Variants in ZNF407 observed in about 807,000 individuals in gnomAD.
The protein encoded by ZNF407 is zinc finger protein 407.
Under a neutral mutation model 131.2 loss-of-function variants are expected in ZNF407, and 17 were observed. That is an observed-to-expected ratio of 0.13 (90% CI 0.09 to 0.19). ZNF407 has a LOEUF of 0.19. Among genes scored for constraint, ZNF407 ranks in the 10% least tolerant of loss-of-function variants. ZNF407 has a pLI of 1.00. For synonymous variants in ZNF407, 1,156 were observed against 1,062.0 expected, an observed-to-expected ratio of 1.09 and a Z score of -1.72; for missense variants, 2,681 against 2,830.6, an observed-to-expected ratio of 0.95 and a Z score of 1.20.
chr18:74,741,107 G>A (rs1412611941), intron 3 of ZNF407, among the ~76,000 whole-genome samples: 1 of 152,112 alleles, frequency 6.6e-6, no homozygotes, highest in Non-Finnish European at 1.5e-5. Flanking sequence ...CATATAAGAT[G>A]GCTTATGGAA....
chr18:74,683,405 A>C (rs1158662746), intron 3 of ZNF407, among the ~76,000 whole-genome samples: 1 of 152,228 alleles, frequency 6.6e-6, no homozygotes, highest in Non-Finnish European at 1.5e-5. Context: ...TAAATATTTA[A>C]AACTAACATT....
At chr18:74,661,985 C>G (rs1423479477) in intron 3 of ZNF407, among the ~76,000 whole-genome samples, 2 of 151,288 alleles carry the variant, frequency 1.3e-5, no homozygotes, top group East Asian at 1.9e-4. Flanking sequence ...CGCGTGCACT[C>G]TGATCCAGCT....
intron 8 of ZNF407, among the ~76,000 whole-genome samples, chr18:75,023,180 AGG>A (rs1427738120): frequency 6.6e-6 from 1 of 152,110 alleles, no homozygotes; most frequent in African/African-American, 2.4e-5. Context: ...GGTCTGAAGT[AGG>A]GGGGCAGGGA....
chr18:74,984,400 G>A (rs2122123148), intron 8 of ZNF407, among the ~76,000 whole-genome samples: 1 of 152,266 alleles, frequency 6.6e-6, no homozygotes, highest in Non-Finnish European at 1.5e-5. Flanking sequence ...AGATCAGCAA[G>A]TTAAAAGTTT....
At chr18:74,849,125 C>G (rs1056302772) in intron 4 of ZNF407, among the ~76,000 whole-genome samples, 3 of 145,068 alleles carry the variant, frequency 2.1e-5, no homozygotes, top group Non-Finnish European at 4.5e-5. Context: ...GTCACTCAGG[C>G]TGGAGTGCAG....
At chr18:74,770,604 C>A (rs762971997) in intron 3 of ZNF407, among the ~76,000 whole-genome samples, 8 of 152,186 alleles carry the variant, frequency 5.3e-5, no homozygotes, top group Middle Eastern at 3.4e-3. Flanking sequence ...ATTTACAGTT[C>A]TTAGAATAGT....
chr18:74,876,379 A>G (rs1971156408), intron 4 of ZNF407, among the ~76,000 whole-genome samples: 1 of 152,172 alleles, frequency 6.6e-6, no homozygotes, highest in African/African-American at 2.4e-5. Context: ...CTCATATTGG[A>G]AATGTAAAGT....
In ZNF407 at chr18:74,920,740, G is replaced by A. The variant is rs1193793463; in HGVS notation, c.5428+48G>A. On this transcript the variant is annotated intron_variant, in intron 8 of 8. Transcript: ENST00000299687. Reference sequence around the variant, plus strand: ...ACTTGTTTCTAACAGGATTTCATGTGATCACAGCAGTTATAATGCTATTTG... The same window carrying A: ...ACTTGTTTCTAACAGGATTTCATGTAATCACAGCAGTTATAATGCTATTTG... 4 of 1,551,762 alleles carry A rather than the reference G, an allele frequency of 2.6e-6. No individual in the cohort carries two copies. In the African/African-American group the frequency reaches 5.4e-5, roughly 21 times the overall value.
chr18:74,641,061 G>C lies in ZNF407; in HGVS notation c.4741G>C (p.Asp1581His). 6.2e-7 allele frequency: 1 copy of C among 1,613,412 alleles called. No individual in the cohort carries two copies. The change falls in exon 3 of 9, where the codon GAT becomes CAT. Residue 1581 changes from aspartate to histidine, a missense_variant. Around this residue, in one of 6 missense-constraint regions of ZNF407, gnomAD observed 213 missense variants for 332.2 expected, o/e 0.64. Transcript: ENST00000299687. ...ICHFATAQLGDARNHVKRHLG... is the reference protein window; with the variant it reads ...ICHFATAQLGHARNHVKRHLG... ...CCATTTTGCAACAGCTCAGCTTGGA[G>C]ATGCCAGAAACCATGTGAAAAGGCA...
intron 3 of ZNF407, among the ~76,000 whole-genome samples, chr18:74,726,391 C>G (rs915100141): frequency 1.3e-5 from 2 of 152,052 alleles, no homozygotes; most frequent in Admixed American, 1.3e-4. Context: ...ATCATGAGAG[C>G]CAATAAGTTA....
intron 8 of ZNF407, among the ~76,000 whole-genome samples, chr18:74,945,490 T>A (rs780219042): frequency 6.6e-6 from 1 of 152,194 alleles, no homozygotes; most frequent in Non-Finnish European, 1.5e-5. Flanking sequence ...GGAGCATACA[T>A]TGCCTGGAAA....
chr18:74,847,399 C>G (rs1970717174), intron 4 of ZNF407, among the ~76,000 whole-genome samples: 1 of 152,150 alleles, frequency 6.6e-6, no homozygotes, highest in Non-Finnish European at 1.5e-5. Flanking sequence ...CCTCTAAGAC[C>G]TCTTCCCACT....
intron 7 of ZNF407, 81 bp downstream of exon 7, chr18:74,890,119 T>G: frequency 7.5e-7 from 1 of 1,332,516 alleles, no homozygotes; most frequent in South Asian, 2.2e-5. Context: ...ATTAGAAGTG[T>G]AGTTTTTCTA....
At chr18:74,963,047 T>C (rs1385578730) in intron 8 of ZNF407, among the ~76,000 whole-genome samples, 1 of 152,194 alleles carries the variant, frequency 6.6e-6, no homozygotes, top group Non-Finnish European at 1.5e-5. Flanking sequence ...AGCAGCCACA[T>C]AGAATCATTG....
chr18:74,698,247 A>G (rs948714096), intron 3 of ZNF407, among the ~76,000 whole-genome samples: 1 of 152,256 alleles, frequency 6.6e-6, no homozygotes, highest in Non-Finnish European at 1.5e-5. Flanking sequence ...TCTGCAGTTA[A>G]GAAAATATGA....
At chr18:75,023,374 T>C (rs898005930) in intron 8 of ZNF407, among the ~76,000 whole-genome samples, 1 of 152,166 alleles carries the variant, frequency 6.6e-6, no homozygotes, top group Admixed American at 6.6e-5. Context: ...TTAATTGTAA[T>C]TAACAGACAT....
chr18:75,055,280 A>G (rs371023720), intron 8 of ZNF407, among the ~76,000 whole-genome samples: 2 of 152,202 alleles, frequency 1.3e-5, no homozygotes, highest in Non-Finnish European at 2.9e-5. Context: ...ATCGCCCTCC[A>G]TGAAACTCAA....
At chr18:74,626,828 C>T (rs1425609487) in intron 1 of ZNF407, among the ~76,000 whole-genome samples, 9 of 152,166 alleles carry the variant, frequency 5.9e-5, no homozygotes, top group Admixed American at 5.9e-4. Flanking sequence ...ACTAAACTAT[C>T]GTGGAAGAAT....
chr18:74,867,281 G>A (rs978843461), intron 4 of ZNF407, among the ~76,000 whole-genome samples: 3 of 152,132 alleles, frequency 2.0e-5, no homozygotes, highest in South Asian at 2.1e-4. Flanking sequence ...TAAACTATAC[G>A]ATATACGATA....
Sources: allele counts gnomAD v4.1 joint callset (sites outside exome capture counted in the v4.1 genomes callset), GRCh38; gene constraint gnomAD v4.1.1; regional missense constraint gnomAD v4.1.1; transcripts MANE v1.5; gene names NCBI Gene and HGNC (gene_info 2026-07-23, HGNC 2026-07-21).